Variants in PPM1B observed in about 807,000 individuals in gnomAD.
PPM1B encodes the protein protein phosphatase 1B.
A neutral mutation model predicts 43.0 loss-of-function variants in PPM1B; 22 were observed. That is an observed-to-expected ratio of 0.51 (90% CI 0.37 to 0.73). PPM1B has a LOEUF of 0.73. Ranked by LOEUF, PPM1B falls within the 30% of genes least tolerant of loss-of-function variation. PPM1B has a pLI of 0.00. For synonymous variants in PPM1B, 217 were observed against 197.9 expected, an observed-to-expected ratio of 1.10 and a Z score of -0.81; for missense variants, 632 against 584.2, an observed-to-expected ratio of 1.08 and a Z score of -0.84.
At chr2:44,180,554 T>C (rs1294852740) in intron 1 of PPM1B, among the ~76,000 whole-genome samples, 1 of 152,206 alleles carries the variant, frequency 6.6e-6, no homozygotes, top group East Asian at 1.9e-4. Flanking sequence ...TTAATATTTC[T>C]GGGAATGTTG....
downstream of PPM1B, among the ~76,000 whole-genome samples, chr2:44,239,589 A>G (rs1395925504): frequency 2.0e-5 from 3 of 152,154 alleles, no homozygotes; most frequent in Admixed American, 1.3e-4. Flanking sequence ...TAATGTAGTA[A>G]CAAGGCTGAG....
chr2:44,221,512 G>A (rs543744334), intron 5 of PPM1B, among the ~76,000 whole-genome samples: 34 of 152,290 alleles, frequency 2.2e-4, no homozygotes, highest in African/African-American at 7.9e-4. Context: ...ATGTTAACTT[G>A]CGGGGTGGGA....
intron 1 of PPM1B, among the ~76,000 whole-genome samples, chr2:44,169,927 C>G (rs1041861423): frequency 8.6e-5 from 13 of 151,116 alleles, no homozygotes; most frequent in African/African-American, 3.0e-4. Context: ...TACCCCAAAT[C>G]TACCGGAGCC....
At chr2:44,244,288 A>AGT (rs1670811062) in exon 6 of PPM1B, 1 of 1,360,516 alleles carries the variant, frequency 7.4e-7, no homozygotes, top group African/African-American at 1.5e-5. Context: ...CAAGAAAGGC[A>AGT]GTGGCTGGCA....
rs527566135 is a variant in PPM1B at position 44,201,080 on chromosome 2, T to A, written c.-14-106T>A. ...TTGTTGCTCCCGTAAATTAGGATAA[T>A]ACTAAAAAAAATACTTGAGGTAGGA... On this transcript the variant is annotated intron_variant, in intron 1 of 5. Transcript: ENST00000282412. This position sits in a 1 kb window ranked among gnomAD's most constrained non-coding sequence, Gnocchi z 5.4. 6.7e-6 allele frequency: 8 copies of A among 1,193,676 alleles called. No individual in the cohort carries two copies. In the South Asian group the frequency reaches 1.2e-4, roughly 18 times the overall value. 73.9% of individuals were successfully genotyped at this position (1,193,676 alleles called of 1,614,324 possible).
chr2:44,186,794 A>C (rs1421204298), intron 1 of PPM1B, among the ~76,000 whole-genome samples: 4 of 152,240 alleles, frequency 2.6e-5, no homozygotes, highest in Admixed American at 1.3e-4. Flanking sequence ...GTTGATGAGA[A>C]GTCTCGTGCT....
chr2:44,194,842 T>G (rs1222654151), intron 1 of PPM1B, among the ~76,000 whole-genome samples: 1 of 151,940 alleles, frequency 6.6e-6, no homozygotes, highest in African/African-American at 2.4e-5. Context: ...ATCTGCTGTC[T>G]CTAAACCCAG....
chr2:44,217,902 T>C lies in PPM1B; in HGVS notation c.965-65T>C, dbSNP rs375348472. On this transcript the variant is annotated intron_variant, in intron 3 of 5. Transcript: ENST00000282412. ...AGGTACTACCAAATAGTATCTCTTG[T>C]TTCACTTCTTGGTGAGTACTGGCTT... The C allele has an allele frequency of 8.2e-5, 79 of 962,792 alleles. 1 individual carries two copies. The East Asian group carries it at 2.1e-3, about 26-fold the overall frequency. The allele number at this position is 962,792 out of a possible 1,614,324, so 59.6% of individuals were successfully genotyped here.
chr2:44,221,641 C>G (rs1307551211), intron 5 of PPM1B, among the ~76,000 whole-genome samples: 3 of 151,906 alleles, frequency 2.0e-5, no homozygotes, highest in African/African-American at 7.3e-5. Flanking sequence ...GAATTCTAGC[C>G]AGAGTTAAAT....
chr2:44,221,476 G>A (rs1669973450), intron 5 of PPM1B, among the ~76,000 whole-genome samples: 1 of 152,170 alleles, frequency 6.6e-6, no homozygotes, highest in Admixed American at 6.6e-5. Context: ...CTTCTTAACA[G>A]TGTGGATGAT....
Position 44,206,638 on chromosome 2 carries a change from TTAAAAGAAATTAGATTTC to T in PPM1B, c.847-2565_847-2548del, listed in dbSNP as rs149849065. On this transcript the variant is annotated intron_variant, in intron 2 of 5. Coordinates refer to ENST00000282412, the MANE Select transcript of PPM1B (RefSeq NM_002706.6). ...TGTTGTTACCAAAAACTCAAAAGGG[TTAAAAGAAATTAGATTTC>T]TAAAAGTGTAAGGTGTTAATTCCGT... Among the ~76,000 whole-genome samples the T allele has an allele frequency of 7.4e-3, 1,124 of 152,322 alleles. 9 individuals carry two copies. Among genetic ancestry groups the T allele is most frequent in the African/African-American group, 0.026 (1,061 of 41,564 alleles).
At chr2:44,191,101 A>G (rs551673932) in intron 1 of PPM1B, among the ~76,000 whole-genome samples, 1 of 152,358 alleles carries the variant, frequency 6.6e-6, no homozygotes, top group African/African-American at 2.4e-5. Context: ...AGTAAGTACT[A>G]TCAAGTTGGT....
chr2:44,245,412 C>T (rs947208296), downstream of PPM1B, among the ~76,000 whole-genome samples: 13 of 152,144 alleles, frequency 8.5e-5, no homozygotes, highest in Middle Eastern at 3.2e-3. Flanking sequence ...TGTTGCATCT[C>T]TGCTTCTTCT....
chr2:44,181,637 A>T (rs1304113597), intron 1 of PPM1B, among the ~76,000 whole-genome samples: 1 of 152,230 alleles, frequency 6.6e-6, no homozygotes, highest in Admixed American at 6.5e-5. Flanking sequence ...ATATATCAAA[A>T]GATTTATGGC....
At chr2:44,226,914 A>G (rs1670239448) in intron 5 of PPM1B, among the ~76,000 whole-genome samples, 2 of 148,578 alleles carry the variant, frequency 1.3e-5, no homozygotes, top group South Asian at 4.2e-4. Flanking sequence ...CTTCCTGAAT[A>G]GATTAAAATG....
chr2:44,179,996 C>T (rs988660696), intron 1 of PPM1B, among the ~76,000 whole-genome samples: 1 of 132,640 alleles, frequency 7.5e-6, no homozygotes, highest in Admixed American at 8.4e-5. Flanking sequence ...GCAACAAGAG[C>T]GAAACTTCGT....
At chr2:44,229,346 AGTT>A (rs1670367937) in intron 5 of PPM1B, among the ~76,000 whole-genome samples, 1 of 152,190 alleles carries the variant, frequency 6.6e-6, no homozygotes, top group African/African-American at 2.4e-5. Context: ...AAATTTCCCT[AGTT>A]GTCACTAGAG....
intron 1 of PPM1B, among the ~76,000 whole-genome samples, chr2:44,184,317 A>G (rs1317445282): frequency 6.6e-6 from 1 of 151,872 alleles, no homozygotes; most frequent in Non-Finnish European, 1.5e-5. Flanking sequence ...CTGTAAGCAC[A>G]TTTTTCTTTG....
intron 5 of PPM1B, chr2:44,244,133 A>G (rs945522573): frequency 3.0e-5 from 16 of 541,282 alleles, no homozygotes; most frequent in Middle Eastern, 9.1e-4. Context: ...ATACCTTCTT[A>G]GACAACTAGT....
Sources: gnomAD v4.1 joint callset for allele counts (sites outside exome capture counted in the v4.1 genomes callset) on GRCh38, gnomAD v4.1.1 for gene constraint, Gnocchi (gnomAD v3.1) non-coding constraint, MANE v1.5 for transcripts, NCBI Gene and HGNC (gene_info 2026-07-23, HGNC 2026-07-21) for gene names.